The following RNF111 variants were observed in gnomAD, a reference collection of about 807,000 sequenced individuals.
RNF111 encodes the protein E3 ubiquitin-protein ligase Arkadia.
RNF111 carries 17 observed loss-of-function variants against 95.1 expected under a neutral mutation model. The observed-to-expected ratio is 0.18, with a 90% CI of 0.12 to 0.27. The LOEUF (loss-of-function observed/expected upper bound fraction) is 0.27, where lower values mean the gene tolerates loss of function less well. RNF111 is among the 10% of genes least tolerant of loss of function. RNF111 has a pLI of 1.00. For synonymous variants in RNF111, 440 were observed against 414.8 expected (o/e 1.06, Z -0.74); for missense variants, 1,189 against 1,210.4 (o/e 0.98, Z 0.26).
intron 6 of RNF111, 140 bp downstream of exon 6, chr15:59,067,223 C>G (rs1369905829): frequency 5.5e-6 from 4 of 721,030 alleles, no homozygotes; most frequent in African/African-American, 3.6e-5. Context: ...TTCTTCCCTC[C>G]CTGCCTCCCT....
At chr15:59,000,359 C>T (rs568217629) in intron 1 of RNF111, among the ~76,000 whole-genome samples, 1 of 151,966 alleles carries the variant, frequency 6.6e-6, no homozygotes, top group East Asian at 1.9e-4. Flanking sequence ...AGACGGGTTT[C>T]ACCATGTTGT....
chr15:59,040,119 AT>A (rs34594493), intron 2 of RNF111, among the ~76,000 whole-genome samples: 57 of 145,196 alleles, frequency 3.9e-4, no homozygotes, highest in Admixed American at 5.5e-4. Flanking sequence ...ATTTAACCTA[AT>A]TTTTTTTTTT....
intron 10 of RNF111, among the ~76,000 whole-genome samples, chr15:59,088,783 A>G (rs1449776197): frequency 1.3e-5 from 2 of 152,202 alleles, no homozygotes; most frequent in Non-Finnish European, 2.9e-5. Context: ...TTTAAAAAAT[A>G]TTGTAGAATC....
intron 5 of RNF111, among the ~76,000 whole-genome samples, chr15:59,059,917 TATCTC>T (rs1370295924): frequency 1.3e-5 from 2 of 152,212 alleles, no homozygotes; most frequent in East Asian, 3.8e-4. Flanking sequence ...CTTTTAATAA[TATCTC>T]ATTTAATTCT....
intron 1 of RNF111, chr15:59,004,261 C>A: frequency 5.7e-6 from 2 of 351,002 alleles, no homozygotes; most frequent in Non-Finnish European, 8.8e-6. Context: ...CTTTACTGAT[C>A]CTTAGTTGTC....
chr15:59,057,515 A>G (rs2042247433), intron 4 of RNF111, among the ~76,000 whole-genome samples: 1 of 152,202 alleles, frequency 6.6e-6, no homozygotes, highest in Non-Finnish European at 1.5e-5. Flanking sequence ...TGTCGTGACT[A>G]TGCTTTGGAT....
At chr15:59,050,847 C>G (rs1237904728) in intron 2 of RNF111, among the ~76,000 whole-genome samples, 2 of 152,096 alleles carry the variant, frequency 1.3e-5, no homozygotes, top group Non-Finnish European at 2.9e-5. Context: ...ATCATAGACC[C>G]TATGTTGTGC....
chr15:58,988,093 A>C (rs2038645778), intron 1 of RNF111, 25 bp downstream of exon 1: 1 of 117,338 alleles, frequency 8.5e-6, no homozygotes, highest in African/African-American at 3.2e-5. Context: ...GGGGGAGGGG[A>C]TCCATTGGAG....
At chr15:59,058,252 A>G in intron 4 of RNF111, 104 bp from the exon 5 acceptor site, 1 of 913,146 alleles carries the variant, frequency 1.1e-6, no homozygotes, top group Non-Finnish European at 1.6e-6. Flanking sequence ...TTGTATTTTT[A>G]AAGTTTTTTT....
At chr15:59,093,504 C>G (rs772088723) in intron 13 of RNF111, 5 of 400,062 alleles carry the variant, frequency 1.2e-5, no homozygotes, top group South Asian at 9.0e-5. Context: ...AGCCACTGCA[C>G]TCGGCTATAG....
intron 2 of RNF111, among the ~76,000 whole-genome samples, chr15:59,051,553 A>T (rs1233161663): frequency 6.6e-6 from 1 of 152,064 alleles, no homozygotes; most frequent in Non-Finnish European, 1.5e-5. Flanking sequence ...AGGGAGCCAG[A>T]TCACTTAAGG....
chr15:59,047,918 C>T (rs1259951114), intron 2 of RNF111, among the ~76,000 whole-genome samples: 1 of 152,134 alleles, frequency 6.6e-6, no homozygotes, highest in Non-Finnish European at 1.5e-5. Flanking sequence ...TGAGATACCA[C>T]GTATAGCCAC....
intron 2 of RNF111, among the ~76,000 whole-genome samples, chr15:59,037,693 G>A (rs1178174159): frequency 3.3e-5 from 5 of 152,022 alleles, no homozygotes; most frequent in East Asian, 3.9e-4. Flanking sequence ...AAAATTAGCC[G>A]AGCGTGGTGG....
chr15:58,996,143 A>C (rs2039062864), intron 1 of RNF111, among the ~76,000 whole-genome samples: 1 of 152,170 alleles, frequency 6.6e-6, no homozygotes, highest in African/African-American at 2.4e-5. Context: ...GAAATGAGAA[A>C]AAATTGTGTG....
In RNF111 at chr15:59,094,920, T is replaced by G. The variant is rs755982775; in HGVS notation, c.*20T>G. ...AGTTGACACCATGTTTCAGAACTCTTGCCCTCCCTCTCATTCCCATCCTTC... is the reference window on the plus strand; with the variant it reads ...AGTTGACACCATGTTTCAGAACTCTGGCCCTCCCTCTCATTCCCATCCTTC... On this transcript the variant is annotated 3_prime_UTR_variant, in exon 14 of 14. Transcript: ENST00000348370. The G allele has an allele frequency of 7.2e-7, 1 of 1,383,106 alleles. No homozygotes were observed. Among genetic ancestry groups the G allele is most frequent in the Non-Finnish European group, 1.0e-6 (1 of 969,386 alleles). The allele number at this position is 1,383,106 out of a possible 1,614,324, so 85.7% of individuals were successfully genotyped here.
At chr15:59,055,645 A>G (rs2042171727) in intron 3 of RNF111, 37 bp from the exon 4 acceptor site, 1 of 1,446,052 alleles carries the variant, frequency 6.9e-7, no homozygotes, top group Non-Finnish European at 9.2e-7. Context: ...AAAATTCTTT[A>G]TTTATATTTA....
chr15:59,002,544 G>A lies in RNF111; in HGVS notation c.-20+14476G>A, dbSNP rs551109313. On this transcript the variant is annotated intron_variant, in intron 1 of 13. Transcript: ENST00000348370. ...GTTCTGAGTGAAAGCCCTCATAACT[G>A]TGCATTTAATTAAAAAAAAAAAAAG... Among the ~76,000 whole-genome samples, 4 of 143,090 alleles carry A rather than the reference G, an allele frequency of 2.8e-5. No individual in the cohort carries two copies. The East Asian group carries it at 8.7e-4, about 31-fold the overall frequency. The allele number at this position is 143,090 out of a possible 152,430, so 93.9% of individuals were successfully genotyped here. A position where few individuals can be genotyped will look rare whatever the true frequency, so the allele number is the denominator to read the frequency against.
intron 1 of RNF111, among the ~76,000 whole-genome samples, chr15:59,028,647 T>C (rs2040745460): frequency 6.6e-6 from 1 of 152,212 alleles, no homozygotes; most frequent in African/African-American, 2.4e-5. Flanking sequence ...TTGATTGGCA[T>C]TTGTGTTCCC....
At chr15:58,996,076 T>G (rs2141394093) in intron 1 of RNF111, among the ~76,000 whole-genome samples, 1 of 152,286 alleles carries the variant, frequency 6.6e-6, no homozygotes, top group African/African-American at 2.4e-5. Context: ...AAAGCAATTT[T>G]TTTCTTCTTT....
Sources: gnomAD v4.1 joint callset for allele counts (sites outside exome capture counted in the v4.1 genomes callset) on GRCh38, gnomAD v4.1.1 for gene constraint, MANE v1.5 for transcripts, NCBI Gene and HGNC (gene_info 2026-07-23, HGNC 2026-07-21) for gene names.